GNB1L: variants seen among roughly 807,000 people sequenced by gnomAD.
The protein encoded by GNB1L is guanine nucleotide-binding protein subunit beta-like protein 1.
Under a neutral mutation model 29.1 loss-of-function variants are expected in GNB1L, and 20 were observed. The ratio of observed to expected loss-of-function variants is 0.69; its 90% CI spans 0.48 to 1.00. The LOEUF is 1.00. Ranked by LOEUF, GNB1L falls within the 50% of genes least tolerant of loss-of-function variation. The probability of loss-of-function intolerance (pLI) is 0.00; values close to 1 mark genes in which losing one functional copy is unlikely to be tolerated. For missense variants in GNB1L, 421 were observed against 464.9 expected (o/e 0.91, Z 0.87); for synonymous variants, 193 against 206.5 (o/e 0.93, Z 0.56).
intron 2 of GNB1L, chr22:19,847,242 C>G: frequency 1.0e-6 from 1 of 985,474 alleles, no homozygotes; most frequent in Middle Eastern, 5.2e-4. Flanking sequence ...CAGGTGCAAG[C>G]AAGAAATAAG....
Position 19,847,419 on chromosome 22 carries a change from A to C in GNB1L, c.-21+7024T>G, listed in dbSNP as rs953290624. ...TGTTCAAAAAACAGTGACACCCATG[A>C]GGTGGGTGTTAGAGGGCCCAGACCC... is the stretch of plus-strand genomic sequence containing the variant. On this transcript the variant is annotated intron_variant, in intron 2 of 7. Transcript: ENST00000329517. 12 of 984,784 alleles carry C rather than the reference A, an allele frequency of 1.2e-5. No homozygotes were observed. The African/African-American group carries it at 1.7e-4, about 14-fold the overall frequency. 61.0% of individuals were successfully genotyped at this position (984,784 alleles called of 1,614,324 possible).
At position 19,812,380 on chromosome 22, in the gene GNB1L, C is replaced by T. The variant is rs146678682; in HGVS notation, c.322G>A (p.Val108Met). 45 of 1,613,388 alleles carry T rather than the reference C, an allele frequency of 2.8e-5. No homozygotes were observed. Among genetic ancestry groups the T allele is most frequent in the East Asian group, 8.9e-5 (4 of 44,874 alleles). ...CAGAAGCCCACACTCTCCAAGCACA[C>T]GGAGTCCACGACAGCGCTCCTGCCC... ...AEGRSAVVDS[V>M]CLESVGFCRS... Residue 108 changes from valine to methionine, a missense_variant, in exon 5 of 8, where the codon GTG becomes ATG. Transcript: ENST00000329517.
intron 2 of GNB1L, among the ~76,000 whole-genome samples, chr22:19,853,477 C>A (rs188487002): frequency 2.0e-4 from 30 of 152,288 alleles, no homozygotes; most frequent in African/African-American, 6.7e-4. Context: ...CAAACGGAGG[C>A]CCACTCACGA....
At chr22:19,794,406 T>C (rs1937283951) in intron 7 of GNB1L, among the ~76,000 whole-genome samples, 1 of 152,190 alleles carries the variant, frequency 6.6e-6, no homozygotes, top group Non-Finnish European at 1.5e-5. Context: ...ACAACACTGA[T>C]TCTAAGGAGA....
chr22:19,835,891 C>T (rs972658835), intron 2 of GNB1L, among the ~76,000 whole-genome samples: 1 of 152,134 alleles, frequency 6.6e-6, no homozygotes, highest in Non-Finnish European at 1.5e-5. Flanking sequence ...CATATCAAAA[C>T]GTGTAGGATG....
chr22:19,818,020 G>C (rs1219455869), intron 4 of GNB1L, among the ~76,000 whole-genome samples: 1 of 152,246 alleles, frequency 6.6e-6, no homozygotes, highest in African/African-American at 2.4e-5. Context: ...GCCACTTGGA[G>C]AGACTTGGCT....
intron 6 of GNB1L, among the ~76,000 whole-genome samples, chr22:19,804,832 C>T (rs897084775): frequency 1.3e-5 from 2 of 152,232 alleles, no homozygotes; most frequent in African/African-American, 2.4e-5. Context: ...ACATCCCTTT[C>T]TACGCATTTT....
chr22:19,813,065 A>G (rs1014803231), intron 4 of GNB1L, among the ~76,000 whole-genome samples: 11 of 152,204 alleles, frequency 7.2e-5, no homozygotes, highest in Non-Finnish European at 1.6e-4. Context: ...TGTGACGAAG[A>G]GGCACAGGGG....
chr22:19,829,560 T>C (rs1937651870), intron 2 of GNB1L, among the ~76,000 whole-genome samples: 1 of 152,162 alleles, frequency 6.6e-6, no homozygotes, highest in Non-Finnish European at 1.5e-5. Context: ...AAGAAAAGTA[T>C]AGACCAATAC....
At chr22:19,820,016 A>G (rs575455355) in intron 4 of GNB1L, among the ~76,000 whole-genome samples, 2 of 152,246 alleles carry the variant, frequency 1.3e-5, no homozygotes, top group South Asian at 2.1e-4. Flanking sequence ...AGTCAGGTGC[A>G]TTGTCATAAC....
intron 5 of GNB1L, among the ~76,000 whole-genome samples, chr22:19,808,352 A>T (rs897571845): frequency 6.6e-6 from 1 of 152,118 alleles, no homozygotes. Context: ...GGGAACAAAC[A>T]GAGCAACATA....
Position 19,820,727 on chromosome 22 carries a change from T to C in GNB1L, c.129-4A>G, listed in dbSNP as rs1937571662. 1 of 1,606,348 alleles carries C rather than the reference T, an allele frequency of 6.2e-7. No homozygotes were observed. The highest frequency in any genetic ancestry group is 8.5e-7 in the Non-Finnish European group (1 of 1,174,114). ...GTGTACCAGGCCACTCTGAGACCTG[T>C]TTCAGACAAGCCGAGCAGGGTGTCA... is the stretch of plus-strand genomic sequence containing the variant. On this transcript the variant is annotated splice_polypyrimidine_tract_variant and splice_region_variant and intron_variant, in intron 3 of 7. Transcript: ENST00000329517.
Position 19,851,297 on chromosome 22 carries a change from G to A in GNB1L, c.-21+3146C>T, listed in dbSNP as rs749449305. On this transcript the variant is annotated intron_variant, in intron 2 of 7. Transcript: ENST00000329517. ...CTCCTCCTCTGTTTTCTGGGGTTTT[G>A]GACCTCCTGGATGAGCTGGGTCTGG... The A allele has an allele frequency of 5.6e-6, 9 of 1,613,698 alleles. No homozygotes were observed. The African/African-American group carries it at 1.1e-4, about 19-fold the overall frequency.
Position 19,820,777 on chromosome 22 carries a change from C to T in GNB1L, c.129-54G>A, listed in dbSNP as rs560935682. ...AGGGGGCAGAAGGGTGTGCTGAATG[C>T]TCTGGGGCCAGCCTGGAGGCCACAT... On this transcript the variant is annotated intron_variant, in intron 3 of 7. Coordinates refer to ENST00000329517, the MANE Select transcript of GNB1L (RefSeq NM_053004.3). The T allele has an allele frequency of 7.7e-6, 12 of 1,564,806 alleles. No homozygotes were observed. The South Asian group carries it at 1.4e-4, about 18-fold the overall frequency.
chr22:19,851,670 G>A (rs771723218), intron 2 of GNB1L: 1 of 1,595,534 alleles, frequency 6.3e-7, no homozygotes, highest in Non-Finnish European at 8.6e-7. Context: ...CTGGAGGCCA[G>A]GGGCAGGGGA....
At chr22:19,818,221 C>A (rs1420946762) in intron 4 of GNB1L, among the ~76,000 whole-genome samples, 1 of 152,256 alleles carries the variant, frequency 6.6e-6, no homozygotes, top group African/African-American at 2.4e-5. Context: ...AGCTCCCAGA[C>A]CGCCCACCAG....
At chr22:19,849,624 C>G (rs551978116) in intron 2 of GNB1L, 1 of 945,270 alleles carries the variant, frequency 1.1e-6, no homozygotes, top group Admixed American at 6.2e-5. Context: ...ACCTTGGCCT[C>G]CCAGAGTGCT....
chr22:19,834,241 G>A (rs1334504234), intron 2 of GNB1L, among the ~76,000 whole-genome samples: 1 of 152,132 alleles, frequency 6.6e-6, no homozygotes, highest in Non-Finnish European at 1.5e-5. Context: ...AAACCATGGA[G>A]GCCAGAAGGG....
chr22:19,843,538 C>T (rs933990342), intron 2 of GNB1L, among the ~76,000 whole-genome samples: 3 of 152,204 alleles, frequency 2.0e-5, no homozygotes, highest in South Asian at 2.1e-4. Flanking sequence ...CTCTCTGTGG[C>T]GGGGAATAAG....
Sources: gnomAD v4.1 joint callset for allele counts (sites outside exome capture counted in the v4.1 genomes callset) on GRCh38, gnomAD v4.1.1 for gene constraint, MANE v1.5 for transcripts, NCBI Gene and HGNC (gene_info 2026-07-23, HGNC 2026-07-21) for gene names.